ATP13A5: variants seen among roughly 807,000 people sequenced by gnomAD.
ATP13A5 encodes the protein probable cation-transporting ATPase 13A5.
Under a neutral mutation model 150.2 loss-of-function variants are expected in ATP13A5, and 149 were observed. The ratio of observed to expected loss-of-function variants is 0.99; its 90% CI spans 0.87 to 1.14. The LOEUF is 1.14. ATP13A5 is among the 50% of genes most tolerant of loss of function. ATP13A5 has a pLI of 0.00. For synonymous variants in ATP13A5, 497 were observed against 522.2 expected (o/e 0.95, Z 0.66); for missense variants, 1,383 against 1,449.3 (o/e 0.95, Z 0.74).
At position 193,285,120 on chromosome 3, in the gene ATP13A5, C is replaced by T; in HGVS notation, c.3024-4G>A. 6.2e-7 allele frequency: 1 copy of T among 1,610,712 alleles called. No homozygotes were observed. The highest frequency in any genetic ancestry group is 8.5e-7 in the Non-Finnish European group (1 of 1,178,228). On this transcript the variant is annotated splice_region_variant and splice_polypyrimidine_tract_variant and intron_variant, in intron 26 of 29. Coordinates refer to ENST00000342358, the MANE Select transcript of ATP13A5 (RefSeq NM_198505.4). ...TTGGTTGGCCAGAAAACACTCACTA[C>T]AAAAGAATCACCAGTGTTTATGAAA...
intron 5 of ATP13A5, among the ~76,000 whole-genome samples, chr3:193,356,829 T>C (rs1162332678): frequency 9.3e-6 from 1 of 107,060 alleles, no homozygotes; most frequent in Admixed American, 9.1e-5. Context: ...CTTTTTCTTT[T>C]TTGAGACGGA....
chr3:193,354,127 C>T lies in ATP13A5; in HGVS notation c.606G>A (p.Gln202=), dbSNP rs765832560. The T allele has an allele frequency of 3.1e-6, 5 of 1,603,776 alleles. No homozygotes were observed. In the East Asian group the frequency reaches 6.7e-5, roughly 21 times the overall value. ...AAAAAAAAGAAAAGAAAACAGTTAC[C>T]TGTTTAACAAGCAGCTTCCATATGG... ...IQPIWKLLVK[Q]VLNPFYVFQA... is the part of the protein sequence containing the mutation. The change falls in exon 6 of 30, where the codon CAG becomes CAA. Residue 202 remains glutamine (Q), a splice_region_variant and synonymous_variant. Transcript: ENST00000342358.
At chr3:193,356,706 AC>A (rs1712804297) in intron 5 of ATP13A5, among the ~76,000 whole-genome samples, 1 of 152,074 alleles carries the variant, frequency 6.6e-6, no homozygotes, top group South Asian at 2.1e-4. Flanking sequence ...CCTTCCAACA[AC>A]CTTTCTTTTC....
chr3:193,357,671 G>A (rs554785252), intron 5 of ATP13A5, among the ~76,000 whole-genome samples: 7 of 152,328 alleles, frequency 4.6e-5, no homozygotes, highest in African/African-American at 1.4e-4. Flanking sequence ...ACAGAACAAC[G>A]TAGGCTAAAT....
chr3:193,351,964 CA>C (rs1372989583), intron 6 of ATP13A5, among the ~76,000 whole-genome samples: 1 of 152,094 alleles, frequency 6.6e-6, no homozygotes, highest in Non-Finnish European at 1.5e-5. Flanking sequence ...CCTGAGAAGC[CA>C]GAGAAAAGTC....
intron 27 of ATP13A5, 96 bp downstream of exon 27, chr3:193,284,818 T>G (rs1013656259): frequency 2.9e-6 from 3 of 1,037,072 alleles, no homozygotes; most frequent in African/African-American, 3.3e-5. Context: ...AATTGTTTCT[T>G]CCTCAGCCCA....
intron 9 of ATP13A5, among the ~76,000 whole-genome samples, chr3:193,336,989 G>A (rs565325779): frequency 7.1e-4 from 108 of 152,284 alleles, no homozygotes; most frequent in African/African-American, 2.5e-3. Context: ...GATGGCCAGT[G>A]ATGATGAGCA....
Position 193,319,058 on chromosome 3 carries a change from G to A in ATP13A5, c.1966C>T (p.Arg656Cys), listed in dbSNP as rs201429023. The change falls in exon 17 of 30, where the codon CGT becomes TGT. Residue 656 changes from arginine to cysteine, a missense_variant. Transcript: ENST00000342358. ...GTTTTGTGGGCAAGAGCAATGACAC[G>A]GAAGCCTTGCACCGTGTAACTCCTC... Reference protein sequence around the residue: ...ELRSYTVQGFRVIALAHKTLK... With the variant: ...ELRSYTVQGFCVIALAHKTLK... The A allele has an allele frequency of 5.3e-5, 85 of 1,613,944 alleles. No homozygotes were observed. Among genetic ancestry groups the A allele is most frequent in the East Asian group, 2.9e-4 (13 of 44,878 alleles).
rs560245879 is a variant in ATP13A5 at position 193,321,888 on chromosome 3, C to A, written c.1759-51G>T. The A allele has an allele frequency of 1.3e-5, 20 of 1,590,770 alleles. 1 individual carries two copies. The highest frequency in any genetic ancestry group is 6.9e-5 in the Admixed American group (4 of 57,958). On this transcript the variant is annotated intron_variant, in intron 15 of 29. Transcript: ENST00000342358. ...CTTAACAAGCTGCTAAGTGATATTTCCAAATGCATACCAACAAAAGGGCTT... is the reference window on the plus strand; with the variant it reads ...CTTAACAAGCTGCTAAGTGATATTTACAAATGCATACCAACAAAAGGGCTT...
chr3:193,307,375 G>C lies in ATP13A5; in HGVS notation c.2526-6C>G, dbSNP rs1192483789. ...CACACATGCCCACATAATAACTGCGGGAGACAGGAGAAGAAGGATTAATAG... is the reference window on the plus strand; with the variant it reads ...CACACATGCCCACATAATAACTGCGCGAGACAGGAGAAGAAGGATTAATAG... On this transcript the variant is annotated splice_region_variant and splice_polypyrimidine_tract_variant and intron_variant, in intron 21 of 29. Coordinates refer to ENST00000342358, the MANE Select transcript of ATP13A5 (RefSeq NM_198505.4). The C allele has an allele frequency of 1.2e-6, 2 of 1,613,740 alleles. No homozygotes were observed. The highest frequency in any genetic ancestry group is 3.3e-5 in the Admixed American group (2 of 59,980).
intron 2 of ATP13A5, 148 bp downstream of exon 2, chr3:193,363,959 G>T: frequency 1.2e-6 from 1 of 860,450 alleles, no homozygotes; most frequent in South Asian, 2.2e-5. Context: ...TAATTTTGCC[G>T]TATTTTCTCC....
At chr3:193,285,184 A>G (rs935081761) in intron 26 of ATP13A5, 68 bp from the exon 27 acceptor site, 25 of 1,314,852 alleles carry the variant, frequency 1.9e-5, no homozygotes, top group Non-Finnish European at 2.3e-5. Flanking sequence ...GAAAAAAAAA[A>G]TAATTTAATC....
At chr3:193,315,932 T>C (rs1030456925) in intron 17 of ATP13A5, among the ~76,000 whole-genome samples, 4 of 152,132 alleles carry the variant, frequency 2.6e-5, no homozygotes, top group Non-Finnish European at 5.9e-5. Flanking sequence ...TGAAACTTTA[T>C]ATCCATTAAC....
intron 7 of ATP13A5, among the ~76,000 whole-genome samples, chr3:193,350,571 C>A (rs187390997): frequency 1.3e-5 from 2 of 151,850 alleles, no homozygotes; most frequent in African/African-American, 2.4e-5. Flanking sequence ...AAGATATACC[C>A]GAATATCAAA....
chr3:193,316,385 AAC>A (rs1719053367), intron 17 of ATP13A5, among the ~76,000 whole-genome samples: 1 of 152,094 alleles, frequency 6.6e-6, no homozygotes, highest in Non-Finnish European at 1.5e-5. Context: ...AAAAATTAAA[AAC>A]ATTCTATTTT....
At chr3:193,370,602 A>G (rs1363010526) in intron 1 of ATP13A5, among the ~76,000 whole-genome samples, 1 of 152,224 alleles carries the variant, frequency 6.6e-6, no homozygotes, top group Non-Finnish European at 1.5e-5. Context: ...GATGAGAATA[A>G]TAACAGTCAC....
intron 7 of ATP13A5, 56 bp from the exon 8 acceptor site, chr3:193,345,131 A>T: frequency 6.7e-7 from 1 of 1,496,490 alleles, no homozygotes. Context: ...TGAAAACCAC[A>T]TGATCTCATT....
chr3:193,295,269 A>G (rs938792120), intron 25 of ATP13A5, among the ~76,000 whole-genome samples: 1 of 152,016 alleles, frequency 6.6e-6, no homozygotes, highest in African/African-American at 2.4e-5. Flanking sequence ...TCTCTTGCTC[A>G]TGCTGCTTCC....
In ATP13A5 at chr3:193,331,185, A is replaced by T. The variant is rs75032809; in HGVS notation, c.1399T>A (p.Phe467Ile). Residue 467 changes from phenylalanine (F) to isoleucine (I), a missense_variant, in exon 12 of 30, where the codon TTC becomes ATC. By Grantham distance (21) the Phe-to-Ile change is conservative. Around this residue, in one of 3 missense-constraint regions of ATP13A5, gnomAD observed 787 missense variants for 771.9 expected, o/e 1.02. Coordinates refer to ENST00000342358, the MANE Select transcript of ATP13A5 (RefSeq NM_198505.4). ...TTGATTCTCTGTGGGGAGATACAGA[A>T]GATTTTCTTTTTCTTCAGTCTCTTC... The part of the protein sequence containing the change: ...AQKRLKKKKI[F>I]CISPQRINMC... 5.9e-5 allele frequency: 96 copies of T among 1,613,918 alleles called. No homozygotes were observed. Among genetic ancestry groups the T allele is most frequent in the Non-Finnish European group, 8.0e-5 (94 of 1,179,968 alleles).
Sources: allele counts gnomAD v4.1 joint callset (sites outside exome capture counted in the v4.1 genomes callset), GRCh38; gene constraint gnomAD v4.1.1; regional missense constraint gnomAD v4.1.1; transcripts MANE v1.5; gene names NCBI Gene and HGNC (gene_info 2026-07-23, HGNC 2026-07-21).